The following ABAT variants were observed in gnomAD, a reference collection of about 807,000 sequenced individuals.
ABAT encodes the protein 4-aminobutyrate aminotransferase, mitochondrial.
A neutral mutation model predicts 64.6 loss-of-function variants in ABAT; 45 were observed. The ratio of observed to expected loss-of-function variants is 0.70; its 90% CI spans 0.55 to 0.89. The LOEUF (loss-of-function observed/expected upper bound fraction) is 0.89, where lower values mean the gene tolerates loss of function less well. Ranked by LOEUF, ABAT falls within the 40% of genes least tolerant of loss-of-function variation. The pLI, the probability that ABAT is intolerant of heterozygous loss-of-function variation, is 0.00. For synonymous variants in ABAT, 297 were observed against 250.5 expected, an observed-to-expected ratio of 1.19 and a Z score of -1.75; for missense variants, 633 against 658.4, an observed-to-expected ratio of 0.96 and a Z score of 0.42.
intron 1 of ABAT, among the ~76,000 whole-genome samples, chr16:8,730,126 A>C (rs927465851): frequency 3.9e-5 from 6 of 152,184 alleles, no homozygotes; most frequent in Non-Finnish European, 7.3e-5. Context: ...TCTGGGGATG[A>C]AACGAGATGG....
At chr16:8,719,107 C>T (rs986700999) in intron 1 of ABAT, among the ~76,000 whole-genome samples, 15 of 152,154 alleles carry the variant, frequency 9.9e-5, no homozygotes, top group African/African-American at 3.4e-4. Context: ...GGCCTCCCCA[C>T]GGGAACACGA....
At chr16:8,687,507 AGAGT>A (rs2057483191) in intron 1 of ABAT, among the ~76,000 whole-genome samples, 1 of 152,376 alleles carries the variant, frequency 6.6e-6, no homozygotes, top group Non-Finnish European at 1.5e-5. Flanking sequence ...GCCTGGCGAC[AGAGT>A]GAGACTCCAT....
At chr16:8,732,712 G>C (rs1236272231) in intron 1 of ABAT, among the ~76,000 whole-genome samples, 1 of 150,976 alleles carries the variant, frequency 6.6e-6, no homozygotes, top group Non-Finnish European at 1.5e-5. Flanking sequence ...TTGTCATCCT[G>C]GCCCGTTCTC....
intron 1 of ABAT, among the ~76,000 whole-genome samples, chr16:8,732,154 C>G (rs936488405): frequency 2.6e-5 from 4 of 151,060 alleles, no homozygotes; most frequent in East Asian, 1.9e-4. Context: ...TGCCCAGACC[C>G]TCTATCTGTT....
intron 1 of ABAT, among the ~76,000 whole-genome samples, chr16:8,681,641 C>T (rs1257065710): frequency 3.1e-5 from 4 of 127,770 alleles, no homozygotes; most frequent in South Asian, 2.6e-4. Context: ...TGACTGCTAT[C>T]TTTTTTTTTT....
chr16:8,679,490 A>G (rs1398261748), intron 1 of ABAT, among the ~76,000 whole-genome samples: 2 of 150,866 alleles, frequency 1.3e-5, no homozygotes, highest in Non-Finnish European at 2.9e-5. Flanking sequence ...CTCTAACTTT[A>G]AAATAGCTAA....
intron 1 of ABAT, among the ~76,000 whole-genome samples, chr16:8,728,265 A>T (rs1055293693): frequency 6.6e-6 from 1 of 152,216 alleles, no homozygotes; most frequent in African/African-American, 2.4e-5. Context: ...TATAAGGTCA[A>T]TTTTCAACTG....
At chr16:8,715,632 CTAA>C (rs2058194030) in intron 1 of ABAT, 1 of 20,908 alleles carries the variant, frequency 4.8e-5, no homozygotes, top group African/African-American at 2.2e-4. Flanking sequence ...GACCCTGTCT[CTAA>C]AAAAAAAAAA....
In ABAT at chr16:8,781,729, C is replaced by A. The variant is rs2060444336; in HGVS notation, c.*299C>A. On this transcript the variant is annotated 3_prime_UTR_variant, in exon 16 of 16. Transcript: ENST00000268251. This position sits in a 1 kb window ranked among gnomAD's most constrained non-coding sequence, Gnocchi z 4.5. ...GGTCCTGGCTAGAGTTCTGCCCAAC[C>A]TTGACCAACCCCAGCAATTTTTCCA... 2.1e-6 allele frequency: 1 copy of A among 478,110 alleles called. No homozygotes were observed. Among genetic ancestry groups the A allele is most frequent in the South Asian group, 2.1e-5 (1 of 47,480 alleles). 29.6% of individuals were successfully genotyped at this position (478,110 alleles called of 1,614,324 possible).
chr16:8,690,541 C>T lies in ABAT; in HGVS notation c.-42+15830C>T, dbSNP rs180919027. On this transcript the variant is annotated intron_variant, in intron 1 of 15. Coordinates refer to ENST00000268251, the MANE Select transcript of ABAT (RefSeq NM_020686.6). ...TGAGTCATACTCATCAGGAATTTTA[C>T]GTACAGAATGACAACATTTCTGGGG... is the stretch of plus-strand genomic sequence containing the variant. Among the ~76,000 whole-genome samples, 19 of 152,300 alleles carry T rather than the reference C, an allele frequency of 1.2e-4. No homozygotes were observed. In the East Asian group the frequency reaches 3.1e-3, roughly 25 times the overall value.
chr16:8,725,890 C>T (rs962712242), intron 1 of ABAT, among the ~76,000 whole-genome samples: 2 of 152,180 alleles, frequency 1.3e-5, no homozygotes, highest in Non-Finnish European at 2.9e-5. Context: ...CTCATCAACT[C>T]CCACCCCAGT....
intron 1 of ABAT, among the ~76,000 whole-genome samples, chr16:8,678,366 C>T (rs1188498571): frequency 6.6e-6 from 1 of 152,134 alleles, no homozygotes; most frequent in Non-Finnish European, 1.5e-5. Flanking sequence ...GTGTGAGTTA[C>T]AGGAATAAGC....
intron 1 of ABAT, among the ~76,000 whole-genome samples, chr16:8,716,671 G>C (rs924660346): frequency 6.6e-6 from 1 of 152,200 alleles, no homozygotes; most frequent in Non-Finnish European, 1.5e-5. Flanking sequence ...CATGTAGCCA[G>C]CCCTGTCTGC....
At chr16:8,683,718 T>C in intron 1 of ABAT, among the ~76,000 whole-genome samples, 1 of 152,156 alleles carries the variant, frequency 6.6e-6, no homozygotes, top group African/African-American at 2.4e-5. Context: ...ACTTAAGTTG[T>C]ATTCTTTTGT....
chr16:8,757,769 C>G lies in ABAT; in HGVS notation c.329C>G (p.Pro110Arg). ...CTCCTGCCCTCAGGTTACAGCCACC[C>G]CGCCCTGCTGAAACTCATCCAACAG... is the stretch of plus-strand genomic sequence containing the variant. The part of the protein sequence containing the change: ...ISSVPIGYSH[P>R]ALLKLIQQPQ... Residue 110 changes from proline to arginine, a missense_variant, in exon 6 of 16, where the codon CCC becomes CGC. Pro to Arg is a moderately radical substitution (Grantham distance 103, BLOSUM62 -2). Coordinates refer to ENST00000268251, the MANE Select transcript of ABAT (RefSeq NM_020686.6). The G allele has an allele frequency of 6.2e-7, 1 of 1,614,072 alleles. No individual in the cohort carries two copies. Among genetic ancestry groups the G allele is most frequent in the Non-Finnish European group, 8.5e-7 (1 of 1,179,974 alleles).
chr16:8,768,706 C>A (rs957504704), intron 10 of ABAT, 119 bp from the exon 11 acceptor site: 7 of 1,392,962 alleles, frequency 5.0e-6, no homozygotes, highest in Non-Finnish European at 2.0e-6. Flanking sequence ...GTTTCACAGG[C>A]AACAGGCCTC....
chr16:8,717,092 C>T (rs920849943), intron 1 of ABAT, among the ~76,000 whole-genome samples: 1 of 152,126 alleles, frequency 6.6e-6, no homozygotes, highest in African/African-American at 2.4e-5. Flanking sequence ...GAGTTTGAGA[C>T]CAGCCTGACC....
At chr16:8,714,055 G>C (rs2058143562) in intron 1 of ABAT, among the ~76,000 whole-genome samples, 1 of 152,124 alleles carries the variant, frequency 6.6e-6, no homozygotes, top group Non-Finnish European at 1.5e-5. Flanking sequence ...TCTGTGTGTA[G>C]GACACACAAA....
intron 11 of ABAT, among the ~76,000 whole-genome samples, chr16:8,770,083 T>C (rs925723762): frequency 1.3e-5 from 2 of 152,184 alleles, no homozygotes; most frequent in Non-Finnish European, 1.5e-5. Flanking sequence ...AGTCACCTTT[T>C]CTTTCATTTT....
Sources: allele counts gnomAD v4.1 joint callset (sites outside exome capture counted in the v4.1 genomes callset), GRCh38; gene constraint gnomAD v4.1.1; non-coding constraint Gnocchi (gnomAD v3.1); transcripts MANE v1.5; gene names NCBI Gene and HGNC (gene_info 2026-07-23, HGNC 2026-07-21).